The following PTPRT variants were observed in gnomAD, a reference collection of about 807,000 sequenced individuals.
PTPRT encodes the protein receptor-type tyrosine-protein phosphatase T.
PTPRT carries 56 observed loss-of-function variants against 176.8 expected under a neutral mutation model. That is an observed-to-expected ratio of 0.32 (90% CI 0.26 to 0.40). The LOEUF (loss-of-function observed/expected upper bound fraction) is 0.40, where lower values mean the gene tolerates loss of function less well. Among genes scored for constraint, PTPRT ranks in the 10% least tolerant of loss-of-function variants. The pLI is 1.00. For missense variants in PTPRT, 1,540 were observed against 1,908.2 expected (o/e 0.81, Z 3.60); for synonymous variants, 783 against 739.0 (o/e 1.06, Z -0.96).
intron 17 of PTPRT, among the ~76,000 whole-genome samples, chr20:42,144,204 G>A (rs781623135): frequency 2.0e-5 from 3 of 152,284 alleles, no homozygotes; most frequent in East Asian, 1.9e-4. Context: ...GAAGAACTGA[G>A]GGGGGAGAGA....
intron 1 of PTPRT, among the ~76,000 whole-genome samples, chr20:42,963,235 A>T (rs1260055552): frequency 6.6e-6 from 1 of 151,482 alleles, no homozygotes; most frequent in Non-Finnish European, 1.5e-5. Flanking sequence ...ACAGTACAAA[A>T]ATTAACCAGA....
chr20:42,750,905 A>G (rs1443544392), intron 6 of PTPRT, among the ~76,000 whole-genome samples: 1 of 152,128 alleles, frequency 6.6e-6, no homozygotes, highest in African/African-American at 2.4e-5. Flanking sequence ...AATTGAGCGA[A>G]ACCTCAATTA....
chr20:42,890,247 G>C (rs1330065354), intron 1 of PTPRT, among the ~76,000 whole-genome samples: 1 of 152,164 alleles, frequency 6.6e-6, no homozygotes, highest in Non-Finnish European at 1.5e-5. Context: ...TTGACTCAAA[G>C]GTAAGTTTTA....
In PTPRT at chr20:42,119,896, A is replaced by T. The variant is rs975513817; in HGVS notation, c.2884+39T>A. On this transcript the variant is annotated intron_variant, in intron 20 of 30. Coordinates refer to ENST00000373187, the MANE Select transcript of PTPRT (RefSeq NM_007050.6). Reference sequence around the variant, plus strand: ...AGAGCCCTTTCCCCTGGGACCCCTGAAGCCTCTCTGAGGCACTAGGTGGAG... The same window carrying T: ...AGAGCCCTTTCCCCTGGGACCCCTGTAGCCTCTCTGAGGCACTAGGTGGAG... The T allele has an allele frequency of 9.5e-6, 15 of 1,575,266 alleles. No homozygotes were observed. In the African/African-American group the frequency reaches 2.0e-4, roughly 21 times the overall value.
At position 43,063,939 on chromosome 20, in the gene PTPRT, A is replaced by G. The variant is rs535818779; in HGVS notation, c.88+125707T>C. Among the ~76,000 whole-genome samples the G allele has an allele frequency of 2.6e-5, 4 of 152,248 alleles. No individual in the cohort carries two copies. The East Asian group carries it at 5.8e-4, about 22-fold the overall frequency. ...GCTTCCAGTCCTACTTGGACTCCTC[A>G]GGAAATAAAATTTGCTAATAGCATG... On this transcript the variant is annotated intron_variant, in intron 1 of 30. Coordinates refer to ENST00000373187, the MANE Select transcript of PTPRT (RefSeq NM_007050.6).
At chr20:42,320,641 G>A (rs963492711) in intron 11 of PTPRT, among the ~76,000 whole-genome samples, 1 of 152,188 alleles carries the variant, frequency 6.6e-6, no homozygotes, top group Non-Finnish European at 1.5e-5. Flanking sequence ...AGTCCCAGAA[G>A]AAACTAGTAA....
intron 1 of PTPRT, among the ~76,000 whole-genome samples, chr20:43,043,240 C>T (rs1027317481): frequency 5.3e-5 from 8 of 152,108 alleles, no homozygotes; most frequent in African/African-American, 1.9e-4. Context: ...ACGACGCCCT[C>T]CCTCAGCCCT....
At chr20:42,846,807 G>T (rs1205595101) in intron 2 of PTPRT, among the ~76,000 whole-genome samples, 2 of 152,142 alleles carry the variant, frequency 1.3e-5, no homozygotes, top group Non-Finnish European at 2.9e-5. Flanking sequence ...TTCCAAGAAG[G>T]CTACAGAGCC....
intron 7 of PTPRT, among the ~76,000 whole-genome samples, chr20:42,662,330 G>A (rs1330161981): frequency 6.6e-6 from 1 of 152,110 alleles, no homozygotes; most frequent in Non-Finnish European, 1.5e-5. Context: ...TAAGTTCTAA[G>A]CATTGTACTT....
At chr20:42,882,232 C>T (rs1039360636) in intron 2 of PTPRT, among the ~76,000 whole-genome samples, 5 of 152,212 alleles carry the variant, frequency 3.3e-5, no homozygotes, top group Non-Finnish European at 4.4e-5. Flanking sequence ...AATCCAAATT[C>T]GCTTTCATGC....
At chr20:42,085,410 A>C (rs1428595667) in intron 28 of PTPRT, among the ~76,000 whole-genome samples, 1 of 152,158 alleles carries the variant, frequency 6.6e-6, no homozygotes, top group Non-Finnish European at 1.5e-5. Context: ...ATGGGATCCA[A>C]TCAAAGGCTG....
At chr20:42,756,309 G>A (rs2076831512) in intron 6 of PTPRT, among the ~76,000 whole-genome samples, 153 bp downstream of exon 6, 1 of 152,216 alleles carries the variant, frequency 6.6e-6, no homozygotes, top group African/African-American at 2.4e-5. Context: ...TCCCGTTTGG[G>A]GAGTTTGTGT....
intron 12 of PTPRT, among the ~76,000 whole-genome samples, chr20:42,312,392 A>G (rs1404230880): frequency 6.6e-6 from 1 of 152,228 alleles, no homozygotes; most frequent in South Asian, 2.1e-4. Flanking sequence ...CCTTTATGAT[A>G]TGGAAAAATT....
intron 1 of PTPRT, among the ~76,000 whole-genome samples, chr20:43,122,805 T>G (rs2013314651): frequency 6.6e-6 from 1 of 152,214 alleles, no homozygotes; most frequent in Non-Finnish European, 1.5e-5. Context: ...AAATTAAACC[T>G]CTTTTCTTTA....
intron 1 of PTPRT, among the ~76,000 whole-genome samples, chr20:43,108,422 T>C (rs918901137): frequency 1.1e-4 from 17 of 152,148 alleles, no homozygotes; most frequent in African/African-American, 3.6e-4. Flanking sequence ...CATATTCTCA[T>C]CACAGACCTC....
intron 13 of PTPRT, among the ~76,000 whole-genome samples, chr20:42,278,554 G>A (rs543617178): frequency 5.3e-5 from 8 of 152,168 alleles, no homozygotes; most frequent in South Asian, 4.2e-4. Context: ...AAGGAGTCAC[G>A]GAAGAATTAG....
intron 15 of PTPRT, among the ~76,000 whole-genome samples, chr20:42,225,837 G>A (rs908531609): frequency 2.0e-5 from 3 of 152,098 alleles, no homozygotes; most frequent in African/African-American, 7.2e-5. Flanking sequence ...ATTTTTAGTA[G>A]AGATGGGGTC....
At chr20:42,158,831 T>A (rs1217105764) in intron 17 of PTPRT, among the ~76,000 whole-genome samples, 1 of 152,236 alleles carries the variant, frequency 6.6e-6, no homozygotes, top group Non-Finnish European at 1.5e-5. Flanking sequence ...CTAGTTAGAT[T>A]TCTGGTTGAG....
At chr20:42,813,975 C>A (rs1011152103) in intron 2 of PTPRT, among the ~76,000 whole-genome samples, 2 of 152,096 alleles carry the variant, frequency 1.3e-5, no homozygotes, top group Admixed American at 6.6e-5. Flanking sequence ...TTTGTTTATA[C>A]CCCCATCCCG....
Sources: gnomAD v4.1 joint callset for allele counts (sites outside exome capture counted in the v4.1 genomes callset) on GRCh38, gnomAD v4.1.1 for gene constraint, MANE v1.5 for transcripts, NCBI Gene and HGNC (gene_info 2026-07-23, HGNC 2026-07-21) for gene names.